The following SMYD3 variants were observed in gnomAD, a reference collection of about 807,000 sequenced individuals.
The protein encoded by SMYD3 is SET and MYND domain containing 3.
SMYD3 carries 36 observed loss-of-function variants against 57.7 expected under a neutral mutation model. The ratio of observed to expected loss-of-function variants is 0.62; its 90% confidence interval spans 0.48 to 0.82. The LOEUF is 0.82. Ranked by LOEUF, SMYD3 falls within the 40% of genes least tolerant of loss-of-function variation. The pLI is 0.00. For synonymous variants in SMYD3, 211 were observed against 195.0 expected (o/e 1.08, Z -0.68); for missense variants, 515 against 538.8 (o/e 0.96, Z 0.44).
intron 5 of SMYD3, among the ~76,000 whole-genome samples, chr1:246,161,585 T>C (rs1440173726): frequency 6.6e-6 from 1 of 152,200 alleles, no homozygotes; most frequent in Non-Finnish European, 1.5e-5. Flanking sequence ...TAATTATTAA[T>C]TTACTTTTCT....
chr1:246,473,562 T>G (rs989358566), intron 1 of SMYD3, among the ~76,000 whole-genome samples: 1 of 152,240 alleles, frequency 6.6e-6, no homozygotes, highest in Non-Finnish European at 1.5e-5. Context: ...ATAGGCCTTG[T>G]TGGGTTTCAA....
At chr1:246,193,802 C>G (rs1281405163) in intron 5 of SMYD3, 1 of 152,270 alleles carries the variant, frequency 6.6e-6, no homozygotes, top group Non-Finnish European at 1.5e-5. Flanking sequence ...ATCGTCCTCG[C>G]AGCTCTCCGG....
rs547117100 is a variant in SMYD3, at chr1:245,956,658, T to TCTC, written c.532-26724_532-26722dup. On this transcript the variant is annotated intron_variant, in intron 5 of 11. Coordinates refer to ENST00000490107, the MANE Select transcript of SMYD3 (RefSeq NM_001167740.2). ...CTGTCTTTGTCTCCCTCCTTCTACTTCTCCTCCTCCTCCTGTACTACTCCC... is the reference window on the plus strand; with the variant it reads ...CTGTCTTTGTCTCCCTCCTTCTACTTCTCCTCCTCCTCCTCCTGTACTACTCCC... Among the ~76,000 whole-genome samples, 26 of 152,168 alleles carry TCTC rather than the reference T, an allele frequency of 1.7e-4. No homozygotes were observed. In the East Asian group the frequency reaches 5.0e-3, roughly 29 times the overall value.
chr1:246,266,407 T>C (rs1007996086), intron 5 of SMYD3, among the ~76,000 whole-genome samples: 2 of 151,004 alleles, frequency 1.3e-5, no homozygotes, highest in African/African-American at 4.9e-5. Context: ...CACATTATTA[T>C]TATTAGAGTA....
chr1:245,858,186 T>C (rs899056998), intron 10 of SMYD3, among the ~76,000 whole-genome samples: 2 of 152,178 alleles, frequency 1.3e-5, no homozygotes, highest in African/African-American at 4.8e-5. Context: ...CCCACCACCC[T>C]GAGCCCGTCT....
At chr1:246,505,678 A>T (rs1411467183) in intron 1 of SMYD3, among the ~76,000 whole-genome samples, 1 of 152,182 alleles carries the variant, frequency 6.6e-6, no homozygotes, top group African/African-American at 2.4e-5. Flanking sequence ...CAGTTACTGC[A>T]AACAGGAAAA....
At chr1:246,255,931 TA>T (rs1168552896) in intron 5 of SMYD3, among the ~76,000 whole-genome samples, 10,433 of 90,012 alleles carry the variant, frequency 0.12, 498 homozygotes, top group African/African-American at 0.16. Context: ...ACTAATAAGA[TA>T]GATAGATAGA....
rs938059773 is a variant in SMYD3, at chr1:245,915,972, A to G, written c.703-332T>C. Among the ~76,000 whole-genome samples the G allele has an allele frequency of 5.9e-5, 9 of 152,206 alleles. 1 individual carries two copies. Among genetic ancestry groups the G allele is most frequent in the Admixed American group, 5.2e-4 (8 of 15,280 alleles). On this transcript the variant is annotated intron_variant, in intron 7 of 11. Transcript: ENST00000490107. ...TGTATGTTTACTAAGGTTTGCTAAT[A>G]AATTCTATAACCATTAGCAATCAGA... is the stretch of plus-strand genomic sequence containing the variant.
intron 8 of SMYD3, among the ~76,000 whole-genome samples, chr1:245,897,600 G>C (rs529444042): frequency 6.6e-6 from 1 of 152,162 alleles, no homozygotes; most frequent in African/African-American, 2.4e-5. Context: ...CTTTTATTAA[G>C]AAGTATTAAT....
chr1:246,428,692 C>T (rs1165546135), intron 1 of SMYD3, among the ~76,000 whole-genome samples: 1 of 152,190 alleles, frequency 6.6e-6, no homozygotes, highest in Non-Finnish European at 1.5e-5. Flanking sequence ...CTGATTCAAA[C>T]CCGTGCAATC....
intron 5 of SMYD3, among the ~76,000 whole-genome samples, chr1:245,948,347 G>A (rs976285283): frequency 6.6e-6 from 1 of 152,194 alleles, no homozygotes; most frequent in Non-Finnish European, 1.5e-5. Flanking sequence ...GGCAAGAAAG[G>A]AGAGGGAAGC....
chr1:246,422,167 C>T (rs1405519969), intron 1 of SMYD3, among the ~76,000 whole-genome samples: 1 of 152,110 alleles, frequency 6.6e-6, no homozygotes, highest in African/African-American at 2.4e-5. Context: ...AATACTAGGG[C>T]AAAGATTTTT....
At chr1:246,041,122 G>C (rs1472920220) in intron 5 of SMYD3, among the ~76,000 whole-genome samples, 2 of 152,180 alleles carry the variant, frequency 1.3e-5, no homozygotes, top group Non-Finnish European at 2.9e-5. Context: ...GTAACATGCT[G>C]TTCGGGTTTA....
chr1:246,504,794 A>T (rs553718525), intron 1 of SMYD3, among the ~76,000 whole-genome samples: 1 of 152,240 alleles, frequency 6.6e-6, no homozygotes, highest in Non-Finnish European at 1.5e-5. Flanking sequence ...TGAAAGATGC[A>T]CTATTCTTAA....
chr1:245,843,436 T>A (rs886958191), intron 10 of SMYD3, among the ~76,000 whole-genome samples: 7 of 152,080 alleles, frequency 4.6e-5, no homozygotes, highest in African/African-American at 1.7e-4. Flanking sequence ...GTTAAAAAAA[T>A]AAAATAAAAT....
intron 5 of SMYD3, among the ~76,000 whole-genome samples, chr1:246,155,088 A>C (rs2062003435): frequency 6.6e-6 from 1 of 152,066 alleles, no homozygotes; most frequent in Admixed American, 6.6e-5. Flanking sequence ...GCCCAAAACA[A>C]ACAGTATATT....
chr1:246,309,109 A>ATATG (rs1416673243), intron 5 of SMYD3, among the ~76,000 whole-genome samples: 5 of 152,192 alleles, frequency 3.3e-5, no homozygotes, highest in Non-Finnish European at 7.3e-5. Flanking sequence ...TCCAAAACCA[A>ATATG]TATGTATTTT....
intron 2 of SMYD3, among the ~76,000 whole-genome samples, chr1:246,344,168 C>T (rs2065675205): frequency 6.6e-6 from 1 of 152,106 alleles, no homozygotes; most frequent in South Asian, 2.1e-4. Context: ...CATGCACGTG[C>T]CACCACACCC....
chr1:246,150,570 T>G (rs562350788), intron 5 of SMYD3, among the ~76,000 whole-genome samples: 1 of 152,344 alleles, frequency 6.6e-6, no homozygotes, highest in Non-Finnish European at 1.5e-5. Context: ...CATACTGTAC[T>G]AATGTTTCTG....
Sources: gnomAD v4.1 joint callset for allele counts (sites outside exome capture counted in the v4.1 genomes callset) on GRCh38, gnomAD v4.1.1 for gene constraint, MANE v1.5 for transcripts, NCBI Gene and HGNC (gene_info 2026-07-23, HGNC 2026-07-21) for gene names.